GDF11: variants seen among roughly 807,000 people sequenced by gnomAD.
GDF11 encodes the protein growth/differentiation factor 11.
GDF11 carries 12 observed loss-of-function variants against 34.4 expected under a neutral mutation model. The ratio of observed to expected loss-of-function variants is 0.35; its 90% confidence interval spans 0.22 to 0.57. GDF11 has a LOEUF of 0.57. Ranked by LOEUF, GDF11 falls within the 20% of genes least tolerant of loss-of-function variation. The probability of loss-of-function intolerance (pLI) is 0.86; values close to 1 mark genes in which losing one functional copy is unlikely to be tolerated. For missense variants in GDF11, 346 were observed against 548.2 expected, an observed-to-expected ratio of 0.63 and a Z score of 3.68; for synonymous variants, 212 against 231.1, an observed-to-expected ratio of 0.92 and a Z score of 0.75.
chr12:55,750,318 T>C lies in GDF11; in HGVS notation c.*436T>C, dbSNP rs925949856. 10 of 164,158 alleles carry C rather than the reference T, an allele frequency of 6.1e-5. No individual in the cohort carries two copies. Among genetic ancestry groups the C allele is most frequent in the African/African-American group, 1.9e-4 (8 of 41,848 alleles). 10.2% of individuals were successfully genotyped at this position (164,158 alleles called of 1,614,324 possible). A position where few individuals can be genotyped will look rare whatever the true frequency, so the allele number is the denominator to read the frequency against. On this transcript the variant is annotated 3_prime_UTR_variant, in exon 3 of 3. Coordinates refer to ENST00000257868, the MANE Select transcript of GDF11 (RefSeq NM_005811.5). ...TTCTTCCACTGGCAAGGTGAGGGGCTTGGTATAGTTTGGGGAGATCCCCTG... is the reference window on the plus strand; with the variant it reads ...TTCTTCCACTGGCAAGGTGAGGGGCCTGGTATAGTTTGGGGAGATCCCCTG...
intron 1 of GDF11, among the ~76,000 whole-genome samples, chr12:55,746,072 C>T (rs1316248354): frequency 5.9e-5 from 9 of 152,136 alleles, no homozygotes; most frequent in Admixed American, 5.9e-4. Flanking sequence ...TCTCTCCCAC[C>T]AGCGCCGCCT....
intron 1 of GDF11, among the ~76,000 whole-genome samples, chr12:55,745,984 G>C (rs1040468104): frequency 6.6e-6 from 1 of 152,054 alleles, no homozygotes; most frequent in South Asian, 2.1e-4. Flanking sequence ...GTGTGTTTGG[G>C]GGGGTTAGGG....
intron 1 of GDF11, among the ~76,000 whole-genome samples, chr12:55,747,287 GA>G (rs1177792754): frequency 4.7e-5 from 6 of 126,662 alleles, no homozygotes; most frequent in African/African-American, 8.9e-5. Context: ...GAATAATCAA[GA>G]AAAAAAAAAG....
rs2136172310 is a variant in GDF11 at position 55,755,522 on chromosome 12, C to G, written c.*5640C>G. ...AGTTAACCACATCTGGATGCTGGAT[C>G]AACTATAGTAGGGAAACGGGGAGAG... On this transcript the variant is annotated 3_prime_UTR_variant, in exon 3 of 3. Transcript: ENST00000257868. 6.6e-6 allele frequency: 1 copy of G among 152,260 alleles called. No homozygotes were observed. 9.4% of individuals were successfully genotyped at this position (152,260 alleles called of 1,614,324 possible).
chr12:55,747,008 T>A (rs143387214), intron 1 of GDF11, among the ~76,000 whole-genome samples: 98 of 152,364 alleles, frequency 6.4e-4, no homozygotes, highest in African/African-American at 2.3e-3. Flanking sequence ...GCTACAATGG[T>A]GAGCAAAACA....
chr12:55,749,380 C>A lies in GDF11; in HGVS notation c.844-122C>A. 1 of 1,051,288 alleles carries A rather than the reference C, an allele frequency of 9.5e-7. No homozygotes were observed. The highest frequency in any genetic ancestry group is 2.4e-5 in the East Asian group (1 of 41,498). The allele number at this position is 1,051,288 out of a possible 1,614,324, so 65.1% of individuals were successfully genotyped here. A position where few individuals can be genotyped will look rare whatever the true frequency, so the allele number is the denominator to read the frequency against. On this transcript the variant is annotated intron_variant, in intron 2 of 2. Transcript: ENST00000257868. The surrounding 1 kb of genome is among the most constrained non-coding windows in gnomAD (Gnocchi z 5.6). The stretch of plus-strand genomic sequence containing the variant: ...AAAAGATAAATTCTGGGGGTGGGAG[C>A]AATGGAAAAGCTGAGAAGTCAGCAG...
chr12:55,744,645 C>T (rs1330364318), intron 1 of GDF11, among the ~76,000 whole-genome samples: 1 of 150,378 alleles, frequency 6.6e-6, no homozygotes, highest in African/African-American at 2.4e-5. Flanking sequence ...TACTACACCC[C>T]CCCTTTTCCA....
chr12:55,751,382 C>A lies in GDF11; in HGVS notation c.*1500C>A, dbSNP rs936967606. ...TTTCAAGTCACTAGCTAGGCCCATT[C>A]ATTCCTCCCACAACCCTGACCCATT... On this transcript the variant is annotated 3_prime_UTR_variant, in exon 3 of 3. Transcript: ENST00000257868. 9 of 152,166 alleles carry A rather than the reference C, an allele frequency of 5.9e-5. No homozygotes were observed. Among genetic ancestry groups the A allele is most frequent in the African/African-American group, 2.2e-4 (9 of 41,396 alleles). 9.4% of individuals were successfully genotyped at this position (152,166 alleles called of 1,614,324 possible).
In GDF11 at chr12:55,749,165, T is replaced by C. The variant is rs1208943809; in HGVS notation, c.843+182T>C. ...GGTGGCAACTATTACTTCTCAAGGA[T>C]CCAAATCAGACAACAGCTGAAAACT... On this transcript the variant is annotated intron_variant, in intron 2 of 2. Transcript: ENST00000257868. The surrounding 1 kb of genome is among the most constrained non-coding windows in gnomAD (Gnocchi z 5.6). Among the ~76,000 whole-genome samples, 2 of 152,046 alleles carry C rather than the reference T, an allele frequency of 1.3e-5. No individual in the cohort carries two copies. The highest frequency in any genetic ancestry group is 4.8e-5 in the African/African-American group (2 of 41,388).
At position 55,743,715 on chromosome 12, in the gene GDF11, C is replaced by G. The variant is rs1339070743; in HGVS notation, c.399C>G (p.Asp133Glu). 1 of 1,563,154 alleles carries G rather than the reference C, an allele frequency of 6.4e-7. No homozygotes were observed. Among genetic ancestry groups the G allele is most frequent in the Non-Finnish European group, 8.6e-7 (1 of 1,160,218 alleles). Residue 133 changes from aspartate to glutamate, a missense_variant, in exon 1 of 3, where the codon GAC becomes GAG. Around this residue, in one of 3 missense-constraint regions of GDF11, gnomAD observed 141 missense variants for 213.8 expected, o/e 0.66. Coordinates refer to ENST00000257868, the MANE Select transcript of GDF11 (RefSeq NM_005811.5). ...AGCCCGAGGACTTCCTGGAGGAGGA[C>G]GAGTACCACGCCACCACCGAGACCG... ...ALQPEDFLEE[D>E]EYHATTETVI...
intron 1 of GDF11, among the ~76,000 whole-genome samples, chr12:55,744,446 G>A (rs1446134284): frequency 6.6e-6 from 1 of 152,128 alleles, no homozygotes; most frequent in Non-Finnish European, 1.5e-5. Context: ...TCAAACCTTA[G>A]TGTTCCATCC....
At position 55,752,298 on chromosome 12, in the gene GDF11, C is replaced by T. The variant is rs1878346378; in HGVS notation, c.*2416C>T. ...TCTTCCCTCTACAGATTCTAGAGAG[C>T]TGGGGCATTAAATATGGGGGACACT... On this transcript the variant is annotated 3_prime_UTR_variant, in exon 3 of 3. Transcript: ENST00000257868. 7.0e-6 allele frequency: 1 copy of T among 142,010 alleles called. No homozygotes were observed. Among genetic ancestry groups the T allele is most frequent in the Non-Finnish European group, 1.5e-5 (1 of 66,792 alleles). 8.8% of individuals were successfully genotyped at this position (142,010 alleles called of 1,614,324 possible).
Position 55,743,356 on chromosome 12 carries a change from C to A in GDF11, c.40C>A (p.Leu14Ile). 2.0e-6 allele frequency: 2 copies of A among 986,624 alleles called. No individual in the cohort carries two copies. Among genetic ancestry groups the A allele is most frequent in the South Asian group, 9.0e-5 (2 of 22,170 alleles). 61.1% of individuals were successfully genotyped at this position (986,624 alleles called of 1,614,324 possible). A position where few individuals can be genotyped will look rare whatever the true frequency, so the allele number is the denominator to read the frequency against. Reference protein sequence around the residue: ...AAPLLLGFLLLALELRPRGEA... With the variant: ...AAPLLLGFLLIALELRPRGEA... Reference sequence around the variant, plus strand: ...CCCGCTGCTGCTGGGCTTCCTGCTCCTCGCCCTGGAGCTGCGGCCCCGGGG... The same window carrying A: ...CCCGCTGCTGCTGGGCTTCCTGCTCATCGCCCTGGAGCTGCGGCCCCGGGG... Residue 14 changes from leucine to isoleucine, a missense_variant, in exon 1 of 3, where the codon CTC becomes ATC. Leu to Ile is a conservative substitution (Grantham distance 5). Coordinates refer to ENST00000257868, the MANE Select transcript of GDF11 (RefSeq NM_005811.5).
chr12:55,743,736 G>T lies in GDF11; in HGVS notation c.420G>T (p.Glu140Asp). Reference sequence around the variant, plus strand: ...AGGACGAGTACCACGCCACCACCGAGACCGTCATTAGCATGGCCCAGGAGA... The same window carrying T: ...AGGACGAGTACCACGCCACCACCGATACCGTCATTAGCATGGCCCAGGAGA... ...LEEDEYHATT[E>D]TVISMAQETD... Residue 140 changes from glutamate to aspartate, a missense_variant, in exon 1 of 3, where the codon GAG becomes GAT. Around this residue, in one of 3 missense-constraint regions of GDF11, gnomAD observed 141 missense variants for 213.8 expected, o/e 0.66. Transcript: ENST00000257868. 6.3e-7 allele frequency: 1 copy of T among 1,590,816 alleles called. No homozygotes were observed. The highest frequency in any genetic ancestry group is 8.5e-7 in the Non-Finnish European group (1 of 1,175,280).
In GDF11 at chr12:55,754,980, G is replaced by A. The variant is rs551173751; in HGVS notation, c.*5098G>A. 1 of 152,234 alleles carries A rather than the reference G, an allele frequency of 6.6e-6. No individual in the cohort carries two copies. Among genetic ancestry groups the A allele is most frequent in the African/African-American group, 2.4e-5 (1 of 41,526 alleles). The allele number at this position is 152,234 out of a possible 1,614,324, so 9.4% of individuals were successfully genotyped here. On this transcript the variant is annotated 3_prime_UTR_variant, in exon 3 of 3. Transcript: ENST00000257868. ...GGAAAGAGATAACAAGAAAGTTAGG[G>A]ACACCTTGGACTCAAAGAATCTGGA...
chr12:55,746,412 T>C (rs2136166304), intron 1 of GDF11, among the ~76,000 whole-genome samples: 1 of 152,346 alleles, frequency 6.6e-6, no homozygotes, highest in Non-Finnish European at 1.5e-5. Context: ...CCACTCTAAC[T>C]TCTATTTCTC....
At position 55,743,637 on chromosome 12, in the gene GDF11, G is replaced by T; in HGVS notation, c.321G>T (p.Ala107=). The part of the protein sequence containing the change: ...REVVKQLLPK[A]PPLQQILDLH... ...TGGTGAAGCAGCTGCTGCCCAAGGC[G>T]CCGCCGCTGCAGCAGATCCTGGACC... is the stretch of plus-strand genomic sequence containing the variant. The change falls in exon 1 of 3, where the codon GCG becomes GCT. Residue 107 remains alanine, a synonymous_variant. Transcript: ENST00000257868. The T allele has an allele frequency of 6.2e-7, 1 of 1,604,602 alleles. No homozygotes were observed.
At position 55,749,945 on chromosome 12, in the gene GDF11, TCCC is replaced by T. The variant is rs1254936627; in HGVS notation, c.*67_*69del. On this transcript the variant is annotated 3_prime_UTR_variant, in exon 3 of 3. Transcript: ENST00000257868. This position sits in a 1 kb window ranked among gnomAD's most constrained non-coding sequence, Gnocchi z 5.6. ...CCCAAGACCCCTAGCCCTGCCCCCA[TCCC>T]CCCAAGCCCTAGAGCTCCCTCCACT... 9 of 1,398,804 alleles carry T rather than the reference TCCC, an allele frequency of 6.4e-6. No homozygotes were observed. The Admixed American group carries it at 9.4e-5, about 15-fold the overall frequency. 86.6% of individuals were successfully genotyped at this position (1,398,804 alleles called of 1,614,324 possible). A position where few individuals can be genotyped will look rare whatever the true frequency, so the allele number is the denominator to read the frequency against.
Position 55,749,612 on chromosome 12 carries a change from C to A in GDF11, c.954C>A (p.Leu318=). ...SSESRCCRYP[L]TVDFEAFGWD... ...AGTCCCGCTGCTGCCGATATCCCCT[C>A]ACAGTGGACTTTGAGGCTTTCGGCT... The change falls in exon 3 of 3, where the codon CTC becomes CTA. Residue 318 remains leucine, a synonymous_variant. Coordinates refer to ENST00000257868, the MANE Select transcript of GDF11 (RefSeq NM_005811.5). The surrounding 1 kb of genome is among the most constrained non-coding windows in gnomAD (Gnocchi z 5.6). The A allele has an allele frequency of 1.2e-6, 2 of 1,614,192 alleles. No individual in the cohort carries two copies. Among genetic ancestry groups the A allele is most frequent in the Non-Finnish European group, 1.7e-6 (2 of 1,180,040 alleles).
Sources: allele counts gnomAD v4.1 joint callset (sites outside exome capture counted in the v4.1 genomes callset), GRCh38; gene constraint gnomAD v4.1.1; regional missense constraint gnomAD v4.1.1; non-coding constraint Gnocchi (gnomAD v3.1); transcripts MANE v1.5; gene names NCBI Gene and HGNC (gene_info 2026-07-23, HGNC 2026-07-21).